TLL1: variants seen among roughly 807,000 people sequenced by gnomAD.
The protein encoded by TLL1 is tolloid-like protein 1.
Under a neutral mutation model 128.2 loss-of-function variants are expected in TLL1, and 49 were observed. The ratio of observed to expected loss-of-function variants is 0.38; its 90% CI spans 0.30 to 0.48. The LOEUF is 0.48. TLL1 is among the 20% of genes least tolerant of loss of function. The pLI is 0.96. For synonymous variants in TLL1, 454 were observed against 418.8 expected (o/e 1.08, Z -1.03); for missense variants, 1,123 against 1,242.0 (o/e 0.90, Z 1.44).
chr4:165,928,748 AG>A (rs1439502203), intron 1 of TLL1, among the ~76,000 whole-genome samples: 2 of 152,148 alleles, frequency 1.3e-5, no homozygotes, highest in Non-Finnish European at 2.9e-5. Flanking sequence ...GTGCATCACA[AG>A]CACACACAGC....
At chr4:165,944,712 T>C (rs1296891722) in intron 1 of TLL1, among the ~76,000 whole-genome samples, 4 of 151,962 alleles carry the variant, frequency 2.6e-5, no homozygotes, top group South Asian at 2.1e-4. Flanking sequence ...GGGAAGAAGA[T>C]GGTGACTCTT....
chr4:166,036,561 A>G (rs1354009753), intron 9 of TLL1, among the ~76,000 whole-genome samples: 1 of 152,202 alleles, frequency 6.6e-6, no homozygotes, highest in Non-Finnish European at 1.5e-5. Context: ...TTATTCAAGT[A>G]CGAATCCTGC....
chr4:165,950,378 G>A (rs1734455947), intron 1 of TLL1, among the ~76,000 whole-genome samples: 1 of 152,010 alleles, frequency 6.6e-6, no homozygotes, highest in Admixed American at 6.6e-5. Context: ...GGCGATAAAT[G>A]AGCAAATATA....
At chr4:165,887,140 G>A (rs1561006753) in intron 1 of TLL1, among the ~76,000 whole-genome samples, 1 of 152,178 alleles carries the variant, frequency 6.6e-6, no homozygotes, top group African/African-American at 2.4e-5. Flanking sequence ...TGATCCTGTT[G>A]GCAATGAGAA....
chr4:166,039,539 G>C, intron 10 of TLL1, 98 bp downstream of exon 10: 1 of 822,776 alleles, frequency 1.2e-6, no homozygotes, highest in Admixed American at 2.0e-5. Flanking sequence ...AGTTAAAAAT[G>C]TGTGTGACTA....
Position 165,936,206 on chromosome 4 carries a change from A to ATATATTT in TLL1, c.170-53174_170-53173insATATTTT, listed in dbSNP as rs765472596. Reference sequence around the variant, plus strand: ...CATTTTGCTTCATATATATATATATATTTTTTTTTCTTTTTTCTTTTTTTT... The same window carrying ATATATTT: ...CATTTTGCTTCATATATATATATATATATATTTTTTTTTTTTCTTTTTTCTTTTTTTT... On this transcript the variant is annotated intron_variant, in intron 1 of 20. Transcript: ENST00000061240. Among the ~76,000 whole-genome samples, 61 of 139,608 alleles carry ATATATTT rather than the reference A, an allele frequency of 4.4e-4. 1 individual carries two copies. Among genetic ancestry groups the ATATATTT allele is most frequent in the African/African-American group, 1.5e-3 (55 of 37,850 alleles). 91.6% of individuals were successfully genotyped at this position (139,608 alleles called of 152,430 possible).
At chr4:165,995,522 G>A (rs933858149) in intron 5 of TLL1, among the ~76,000 whole-genome samples, 5 of 152,164 alleles carry the variant, frequency 3.3e-5, no homozygotes, top group African/African-American at 1.2e-4. Flanking sequence ...GATAGTCACT[G>A]TATCTTTTGA....
intron 1 of TLL1, among the ~76,000 whole-genome samples, chr4:165,963,337 CAAAAA>C (rs572593482): frequency 1.4e-4 from 21 of 151,882 alleles, no homozygotes; most frequent in Admixed American, 1.4e-3. Flanking sequence ...AAAAGTTGAA[CAAAAA>C]AAGAAAAGAA....
rs768864906 is a variant in TLL1, at chr4:166,065,681, A to T, written c.2008-2A>T. 1 of 1,612,586 alleles carries T rather than the reference A, an allele frequency of 6.2e-7. No individual in the cohort carries two copies. ...GCAACTGATAACCACATTTTTTTCT[A>T]GGTTTGCAAATATGATTATGTGGAG... On this transcript the variant is annotated splice_acceptor_variant, in intron 15 of 20. Coordinates refer to ENST00000061240, the MANE Select transcript of TLL1 (RefSeq NM_012464.5). LOFTEE classifies it high-confidence loss of function.
chr4:166,003,269 G>A (rs980759763), intron 5 of TLL1, 122 bp from the exon 6 acceptor site: 2 of 938,600 alleles, frequency 2.1e-6, no homozygotes, highest in African/African-American at 3.2e-5. Flanking sequence ...ATAAGAGGTT[G>A]TTCTGTTCCT....
chr4:165,975,977 G>T (rs1331517454), intron 1 of TLL1, among the ~76,000 whole-genome samples: 1 of 133,130 alleles, frequency 7.5e-6, no homozygotes, highest in South Asian at 2.5e-4. Flanking sequence ...GGTAGAGGTT[G>T]CAGTAAGCTC....
intron 1 of TLL1, among the ~76,000 whole-genome samples, chr4:165,937,499 C>T (rs1733818452): frequency 6.6e-6 from 1 of 152,142 alleles, no homozygotes; most frequent in Non-Finnish European, 1.5e-5. Context: ...TTACCTACTA[C>T]TTTTTAATTG....
chr4:166,059,999 A>G, intron 14 of TLL1, 29 bp from the exon 15 acceptor site: 1 of 1,612,504 alleles, frequency 6.2e-7, no homozygotes, highest in East Asian at 2.2e-5. Context: ...CATGGGGAGA[A>G]TATACCTTTT....
chr4:166,015,856 TG>T (rs988399137), intron 8 of TLL1, among the ~76,000 whole-genome samples: 4 of 139,978 alleles, frequency 2.9e-5, no homozygotes, highest in East Asian at 2.3e-4. Context: ...TAAGAAATTA[TG>T]TTTTTTTTTT....
intron 1 of TLL1, among the ~76,000 whole-genome samples, chr4:165,903,492 A>G (rs1732096238): frequency 1.4e-5 from 2 of 143,054 alleles, no homozygotes; most frequent in South Asian, 4.5e-4. Context: ...GGCTCACTGC[A>G]ACCTGCGCCT....
intron 13 of TLL1, among the ~76,000 whole-genome samples, chr4:166,055,576 G>T (rs1324034127): frequency 6.6e-6 from 1 of 152,076 alleles, no homozygotes; most frequent in African/African-American, 2.4e-5. Context: ...AACCAACCAA[G>T]AATTCATGAA....
At chr4:166,024,778 TG>T (rs1427589874) in intron 8 of TLL1, among the ~76,000 whole-genome samples, 28 of 152,192 alleles carry the variant, frequency 1.8e-4, no homozygotes, top group Admixed American at 1.8e-3. Flanking sequence ...GAATCTTCCA[TG>T]ATGTTTATAT....
At chr4:166,089,707 A>G (rs1741674733) in intron 18 of TLL1, among the ~76,000 whole-genome samples, 1 of 152,104 alleles carries the variant, frequency 6.6e-6, no homozygotes, top group Non-Finnish European at 1.5e-5. Flanking sequence ...AAATGAAGTA[A>G]GCCTTCCTTT....
chr4:166,100,313 AATAATGGACAATTTGGATTTTGGAAGTGG>A (rs1431888126), intron 20 of TLL1, among the ~76,000 whole-genome samples: 1 of 152,108 alleles, frequency 6.6e-6, no homozygotes, highest in Non-Finnish European at 1.5e-5. Flanking sequence ...TAAAACAAGA[AATAATGGACAATTTGGATTTTGGAAGTGG>A]CTCTGCTCCA....
Sources: allele counts gnomAD v4.1 joint callset (sites outside exome capture counted in the v4.1 genomes callset), GRCh38; gene constraint gnomAD v4.1.1; transcripts MANE v1.5; gene names NCBI Gene and HGNC (gene_info 2026-07-23, HGNC 2026-07-21).